SIDT2: variants seen among roughly 807,000 people sequenced by gnomAD.
SIDT2 encodes the protein SID1 transmembrane family member 2, also known as SID1 transmembrane family, member 2.
SIDT2 carries 68 observed loss-of-function variants against 114.4 expected under a neutral mutation model. The ratio of observed to expected loss-of-function variants is 0.59; its 90% CI spans 0.49 to 0.73. SIDT2 has a LOEUF of 0.73. Among genes scored for constraint, SIDT2 ranks in the 30% least tolerant of loss-of-function variants. SIDT2 has a pLI of 0.00. For missense variants in SIDT2, 918 were observed against 1,097.1 expected, an observed-to-expected ratio of 0.84 and a Z score of 2.31; for synonymous variants, 470 against 438.4, an observed-to-expected ratio of 1.07 and a Z score of -0.90.
intron 23 of SIDT2, 43 bp from the exon 24 acceptor site, chr11:117,193,808 CAG>C (rs1380548407): frequency 2.8e-6 from 4 of 1,442,222 alleles, no homozygotes; most frequent in Non-Finnish European, 3.9e-6. Context: ...CGGGGTGGGA[CAG>C]GGGTAAGCCC....
In SIDT2 at chr11:117,187,470, C is replaced by T. The variant is rs772984366; in HGVS notation, c.1087+21C>T. ...CTTTGGTACGTGTCAAAGCCAGCAC[C>T]GTGCTTGCTGGGGACATGACCTTGT... On this transcript the variant is annotated intron_variant, in intron 11 of 25. Coordinates refer to ENST00000324225, the MANE Select transcript of SIDT2 (RefSeq NM_001040455.2). 1.4e-5 allele frequency: 23 copies of T among 1,611,736 alleles called. No homozygotes were observed. The South Asian group carries it at 1.4e-4, about 10-fold the overall frequency.
At position 117,196,039 on chromosome 11, in the gene SIDT2, G is replaced by A; in HGVS notation, c.2472G>A (p.Val824=). ...CACTGGATGACGACCTGGATACTGT[G>A]CAGCGGGACAAGATCTATGTCTTCT... The part of the protein sequence containing the change: ...LLTLDDDLDT[V]QRDKIYVF The change falls in exon 26 of 26, where the codon GTG becomes GTA. Residue 824 remains valine (V), a synonymous_variant. Coordinates refer to ENST00000324225, the MANE Select transcript of SIDT2 (RefSeq NM_001040455.2). The surrounding 1 kb of genome is among the most constrained non-coding windows in gnomAD (Gnocchi z 4.9). 6.2e-7 allele frequency: 1 copy of A among 1,614,254 alleles called. No homozygotes were observed. Among genetic ancestry groups the A allele is most frequent in the Non-Finnish European group, 8.5e-7 (1 of 1,180,054 alleles).
rs2030133277 is a variant in SIDT2, at chr11:117,178,893, GCTCTTCCTCCCT to G, written c.-369_-358del. On this transcript the variant is annotated 5_prime_UTR_variant, in exon 1 of 26. Transcript: ENST00000324225. Reference sequence around the variant, plus strand: ...CCTCCGCGGCCAGCCCCCGCCGCCGGCTCTTCCTCCCTCCCCTTTCCCGGCGTCTCCAGGCTC... The same window carrying G: ...CCTCCGCGGCCAGCCCCCGCCGCCGGCCCCTTTCCCGGCGTCTCCAGGCTC... 4.9e-6 allele frequency: 1 copy of G among 202,582 alleles called. No individual in the cohort carries two copies. The highest frequency in any genetic ancestry group is 2.4e-5 in the African/African-American group (1 of 42,318). 12.5% of individuals were successfully genotyped at this position (202,582 alleles called of 1,614,324 possible). A position where few individuals can be genotyped will look rare whatever the true frequency, so the allele number is the denominator to read the frequency against.
chr11:117,192,405 G>GA lies in SIDT2; in HGVS notation c.1981+43_1981+44insA. The GA allele has an allele frequency of 6.9e-7, 1 of 1,443,164 alleles. No individual in the cohort carries two copies. The highest frequency in any genetic ancestry group is 9.7e-7 in the Non-Finnish European group (1 of 1,028,560). 89.4% of individuals were successfully genotyped at this position (1,443,164 alleles called of 1,614,324 possible). ...GCAGGGCCTGGGGGAGGGGTCTGGG[G>GA]GGCCTTGGGAACCCGGACGCACGGG... On this transcript the variant is annotated intron_variant, in intron 20 of 25. Transcript: ENST00000324225. This position sits in a 1 kb window ranked among gnomAD's most constrained non-coding sequence, Gnocchi z 5.9.
intron 8 of SIDT2, among the ~76,000 whole-genome samples, chr11:117,184,839 C>A (rs1389866632): frequency 6.6e-6 from 1 of 152,182 alleles, no homozygotes; most frequent in Non-Finnish European, 1.5e-5. Flanking sequence ...GATTCTCCTG[C>A]CTCAGCCTCC....
At chr11:117,186,674 G>A in intron 10 of SIDT2, 38 bp downstream of exon 10, 1 of 1,529,518 alleles carries the variant, frequency 6.5e-7, no homozygotes, top group Non-Finnish European at 8.8e-7. Context: ...GGCACAGTGT[G>A]CTTTGTGTTT....
Position 117,181,454 on chromosome 11 carries a change from G to T in SIDT2, c.222G>T (p.Lys74Asn). ...GVRVSVNVLN[K>N]QKGAPLLFVV... is the part of the protein sequence containing the mutation. ...GTGTGTCTGTGAACGTCCTGAACAAGCAGAAGGGGGCGCCGTTGCTGTTTG... is the reference window on the plus strand; with the variant it reads ...GTGTGTCTGTGAACGTCCTGAACAATCAGAAGGGGGCGCCGTTGCTGTTTG... Residue 74 changes from lysine to asparagine, a missense_variant, in exon 2 of 26, where the codon AAG becomes AAT. Coordinates refer to ENST00000324225, the MANE Select transcript of SIDT2 (RefSeq NM_001040455.2). 6.2e-7 allele frequency: 1 copy of T among 1,613,694 alleles called. No individual in the cohort carries two copies. Among genetic ancestry groups the T allele is most frequent in the Non-Finnish European group, 8.5e-7 (1 of 1,179,960 alleles).
At chr11:117,191,775 G>A in intron 18 of SIDT2, 103 bp from the exon 19 acceptor site, 2 of 1,483,632 alleles carry the variant, frequency 1.3e-6, no homozygotes, top group South Asian at 1.3e-5. Context: ...GGCCGTGGTG[G>A]GGCACCAGGG....
intron 9 of SIDT2, 119 bp from the exon 10 acceptor site, chr11:117,186,465 G>A (rs2030499976): frequency 2.8e-6 from 3 of 1,079,532 alleles, no homozygotes; most frequent in South Asian, 1.5e-5. Context: ...TGGGACAAAG[G>A]GTGGAGGACA....
chr11:117,188,462 C>T lies in SIDT2; in HGVS notation c.1160-246C>T, dbSNP rs1221680571. The T allele has an allele frequency of 5.5e-6, 3 of 543,764 alleles. No homozygotes were observed. Among genetic ancestry groups the T allele is most frequent in the African/African-American group, 1.9e-5 (1 of 52,860 alleles). The allele number at this position is 543,764 out of a possible 1,614,324, so 33.7% of individuals were successfully genotyped here. A position where few individuals can be genotyped will look rare whatever the true frequency, so the allele number is the denominator to read the frequency against. ...CCTAGCCCATGAGGGGTGCCAGGAA[C>T]AGAGCAAAGCTAGAGCGGCCCCTGT... On this transcript the variant is annotated intron_variant, in intron 12 of 25. Transcript: ENST00000324225. This position sits in a 1 kb window ranked among gnomAD's most constrained non-coding sequence, Gnocchi z 4.0.
Position 117,190,169 on chromosome 11 carries a change from C to T in SIDT2, c.1497C>T (p.Ala499=). The T allele has an allele frequency of 3.2e-6, 5 of 1,582,764 alleles. No individual in the cohort carries two copies. The highest frequency in any genetic ancestry group is 1.2e-5 in the South Asian group (1 of 86,260). The change falls in exon 17 of 26, where the codon GCC becomes GCT. Residue 499 remains alanine (A), a synonymous_variant. Coordinates refer to ENST00000324225, the MANE Select transcript of SIDT2 (RefSeq NM_001040455.2). The surrounding 1 kb of genome is among the most constrained non-coding windows in gnomAD (Gnocchi z 4.1). Reference sequence around the variant, plus strand: ...TGCCTTGTGTTGCCCCTTCTAGCGCCTTCAACAACATCCTCAGCAACCTGG... The same window carrying T: ...TGCCTTGTGTTGCCCCTTCTAGCGCTTTCAACAACATCCTCAGCAACCTGG... ...LCAHPLGNLS[A]FNNILSNLGY... is the part of the protein sequence containing the mutation.
intron 11 of SIDT2, 49 bp from the exon 12 acceptor site, chr11:117,187,579 T>C: frequency 6.2e-7 from 1 of 1,605,584 alleles, no homozygotes; most frequent in Non-Finnish European, 8.5e-7. Context: ...TCAGAGCCCC[T>C]TTCCCTGCGG....
Position 117,190,767 on chromosome 11 carries a change from C to A in SIDT2, c.1735+27C>A. 1 of 1,570,212 alleles carries A rather than the reference C, an allele frequency of 6.4e-7. No individual in the cohort carries two copies. Among genetic ancestry groups the A allele is most frequent in the Non-Finnish European group, 8.8e-7 (1 of 1,140,090 alleles). ...TGAGTGGGGCGTCCTTCTTTTCTGG[C>A]TCAACCTACAGCAGGGACCTGCCTG... On this transcript the variant is annotated intron_variant, in intron 18 of 25. Transcript: ENST00000324225. This position sits in a 1 kb window ranked among gnomAD's most constrained non-coding sequence, Gnocchi z 4.1.
chr11:117,181,450 A>G lies in SIDT2; in HGVS notation c.218A>G (p.Asn73Ser), dbSNP rs551881804. 6.2e-7 allele frequency: 1 copy of G among 1,613,546 alleles called. No individual in the cohort carries two copies. Among genetic ancestry groups the G allele is most frequent in the East Asian group, 2.2e-5 (1 of 44,822 alleles). Residue 73 changes from asparagine (N) to serine (S), a missense_variant, in exon 2 of 26, where the codon AAC becomes AGC. This residue lies in a region of SIDT2 where 553 missense variants were observed against 600.1 expected (regional missense o/e 0.92). Coordinates refer to ENST00000324225, the MANE Select transcript of SIDT2 (RefSeq NM_001040455.2). ...GTGCGTGTGTCTGTGAACGTCCTGAACAAGCAGAAGGGGGCGCCGTTGCTG... is the reference window on the plus strand; with the variant it reads ...GTGCGTGTGTCTGTGAACGTCCTGAGCAAGCAGAAGGGGGCGCCGTTGCTG... ...EGVRVSVNVLNKQKGAPLLFV... is the reference protein window; with the variant it reads ...EGVRVSVNVLSKQKGAPLLFV...
In SIDT2 at chr11:117,190,384, C is replaced by A; in HGVS notation, c.1617+95C>A. The A allele has an allele frequency of 1.3e-6, 2 of 1,498,534 alleles. No individual in the cohort carries two copies. The highest frequency in any genetic ancestry group is 1.8e-6 in the Non-Finnish European group (2 of 1,124,452). The allele number at this position is 1,498,534 out of a possible 1,614,324, so 92.8% of individuals were successfully genotyped here. A position where few individuals can be genotyped will look rare whatever the true frequency, so the allele number is the denominator to read the frequency against. ...ACCCTTTTGGGCAGGCCTGGCCCTG[C>A]CTTCCCCAGCTCTCCCCTCCCCAGT... On this transcript the variant is annotated intron_variant, in intron 17 of 25. Transcript: ENST00000324225. The surrounding 1 kb of genome is among the most constrained non-coding windows in gnomAD (Gnocchi z 4.1).
In SIDT2 at chr11:117,192,486, A is replaced by T. The variant is rs2030739469; in HGVS notation, c.1982-88A>T. On this transcript the variant is annotated intron_variant, in intron 20 of 25. Coordinates refer to ENST00000324225, the MANE Select transcript of SIDT2 (RefSeq NM_001040455.2). The surrounding 1 kb of genome is among the most constrained non-coding windows in gnomAD (Gnocchi z 5.9). ...GAGTCACTGGGTGAGGAATTAGATC[A>T]GGCCTGGGCTCCTCAGCTGGCACAT... is the stretch of plus-strand genomic sequence containing the variant. 1 of 1,512,786 alleles carries T rather than the reference A, an allele frequency of 6.6e-7. No individual in the cohort carries two copies. Among genetic ancestry groups the T allele is most frequent in the Non-Finnish European group, 9.1e-7 (1 of 1,099,966 alleles). The allele number at this position is 1,512,786 out of a possible 1,614,324, so 93.7% of individuals were successfully genotyped here.
rs1232945690 is a variant in SIDT2 at position 117,181,799 on chromosome 11, G to A, written c.306-8G>A. On this transcript the variant is annotated splice_region_variant and splice_polypyrimidine_tract_variant and intron_variant, in intron 2 of 25. Transcript: ENST00000324225. ...GCTCACATCCTATCTCCCTGCTTCG[G>A]GCCATAGGTTTCAGCGCAAGTACCT... 1 of 1,614,086 alleles carries A rather than the reference G, an allele frequency of 6.2e-7. No homozygotes were observed. The highest frequency in any genetic ancestry group is 1.1e-5 in the South Asian group (1 of 91,082).
chr11:117,184,253 G>C, intron 8 of SIDT2, 114 bp downstream of exon 8: 2 of 1,053,670 alleles, frequency 1.9e-6, no homozygotes, highest in Non-Finnish European at 2.8e-6. Context: ...ATATGCTGGT[G>C]GGGTAGGAAC....
chr11:117,180,639 G>A (rs1166512838), intron 1 of SIDT2, among the ~76,000 whole-genome samples: 6 of 148,234 alleles, frequency 4.0e-5, no homozygotes, highest in African/African-American at 1.0e-4. Flanking sequence ...CGGTTCAAGC[G>A]ATTCTCCTGC....
Sources: gnomAD v4.1 joint callset for allele counts (sites outside exome capture counted in the v4.1 genomes callset) on GRCh38, gnomAD v4.1.1 for gene constraint, gnomAD v4.1.1 regional missense constraint, Gnocchi (gnomAD v3.1) non-coding constraint, MANE v1.5 for transcripts, NCBI Gene and HGNC (gene_info 2026-07-23, HGNC 2026-07-21) for gene names.